The following PRKN variants were observed in gnomAD, a reference collection of about 807,000 sequenced individuals.
PRKN encodes parkin RBR E3 ubiquitin protein ligase.
PRKN carries 56 observed loss-of-function variants against 59.5 expected under a neutral mutation model. That is an observed-to-expected ratio of 0.94 (90% CI 0.76 to 1.18). PRKN has a LOEUF of 1.18. Ranked by LOEUF, PRKN falls within the 50% of genes most tolerant of loss-of-function variation. The probability of loss-of-function intolerance (pLI) is 0.00; values close to 1 mark genes in which losing one functional copy is unlikely to be tolerated. For synonymous variants in PRKN, 250 were observed against 222.1 expected (o/e 1.13, Z -1.12); for missense variants, 657 against 596.4 (o/e 1.10, Z -1.06).
chr6:161,900,230 G>T (rs1163922111), intron 6 of PRKN, among the ~76,000 whole-genome samples: 1 of 151,344 alleles, frequency 6.6e-6, no homozygotes, highest in African/African-American at 2.4e-5. Context: ...TTCTGGAACT[G>T]ATAGCATGTA....
At chr6:162,349,822 C>T (rs945831296) in intron 2 of PRKN, among the ~76,000 whole-genome samples, 2 of 152,128 alleles carry the variant, frequency 1.3e-5, no homozygotes, top group Non-Finnish European at 2.9e-5. Context: ...CAGTTCTATT[C>T]AACATTGTAC....
At chr6:161,701,378 C>T (rs1198339574) in intron 7 of PRKN, among the ~76,000 whole-genome samples, 5 of 152,038 alleles carry the variant, frequency 3.3e-5, no homozygotes, top group Non-Finnish European at 7.4e-5. Flanking sequence ...CTCTCTCACT[C>T]CCTTTGAATT....
rs1384080984 is a variant in PRKN at position 162,716,786 on chromosome 6, G to GCACACACACACGCGCA, written c.7+10875_7+10876insTGCGCGTGTGTGTGTG. On this transcript the variant is annotated intron_variant, in intron 1 of 11. Transcript: ENST00000366898. The stretch of plus-strand genomic sequence containing the variant: ...CGCGCGCGCACGCACACACACACGC[G>GCACACACACACGCGCA]CACACACACACACACACACACAGAC... Among the ~76,000 whole-genome samples, 1,032 of 148,812 alleles carry GCACACACACACGCGCA rather than the reference G, an allele frequency of 6.9e-3. 11 individuals are homozygous for GCACACACACACGCGCA. Among genetic ancestry groups the GCACACACACACGCGCA allele is most frequent in the African/African-American group, 0.024 (979 of 40,266 alleles).
At chr6:162,181,323 T>C (rs1317634761) in intron 4 of PRKN, among the ~76,000 whole-genome samples, 1 of 152,226 alleles carries the variant, frequency 6.6e-6, no homozygotes, top group African/African-American at 2.4e-5. Context: ...ATTTCTTTGC[T>C]ATTTCTGGTA....
At chr6:162,215,164 T>G (rs1200378631) in intron 3 of PRKN, among the ~76,000 whole-genome samples, 1 of 152,170 alleles carries the variant, frequency 6.6e-6, no homozygotes, top group African/African-American at 2.4e-5. Context: ...TAAGCTACAT[T>G]CTATCTCACA....
chr6:161,655,092 GCT>G (rs1784290013), intron 7 of PRKN, among the ~76,000 whole-genome samples: 1 of 149,034 alleles, frequency 6.7e-6, no homozygotes, highest in African/African-American at 2.5e-5. Context: ...GCCCACCCAG[GCT>G]CTCAGCGTCA....
intron 1 of PRKN, among the ~76,000 whole-genome samples, chr6:162,623,103 G>A (rs1782744144): frequency 6.6e-6 from 1 of 152,182 alleles, no homozygotes; most frequent in African/African-American, 2.4e-5. Flanking sequence ...CAGTCATTAG[G>A]CTTCAGCCTC....
intron 1 of PRKN, among the ~76,000 whole-genome samples, chr6:162,725,515 TTTCA>T (rs1410011305): frequency 3.3e-5 from 5 of 152,172 alleles, no homozygotes. Context: ...ATCCCAGCAC[TTTCA>T]GAGGCGAATG....
At chr6:161,474,424 A>G (rs1790962653) in intron 9 of PRKN, among the ~76,000 whole-genome samples, 1 of 152,152 alleles carries the variant, frequency 6.6e-6, no homozygotes, top group Non-Finnish European at 1.5e-5. Context: ...TATATATTTA[A>G]TATCACTAAT....
intron 1 of PRKN, among the ~76,000 whole-genome samples, chr6:162,458,659 T>TC (rs1208713474): frequency 2.1e-5 from 3 of 141,756 alleles, no homozygotes; most frequent in East Asian, 2.1e-4. Context: ...TTTTTTTTTT[T>TC]CCCAGTGGCA....
chr6:161,853,807 G>A lies in PRKN; in HGVS notation c.735-67899C>T, dbSNP rs539538351. ...GGCTGTGGTCAACCCACAAAAGACA[G>A]GCTTTTATCCCCAGCTCTAAGAATT... On this transcript the variant is annotated intron_variant, in intron 6 of 11. Transcript: ENST00000366898. Among the ~76,000 whole-genome samples the A allele has an allele frequency of 8.5e-5, 13 of 152,256 alleles. No homozygotes were observed. In the South Asian group the frequency reaches 2.5e-3, roughly 29 times the overall value.
At chr6:162,263,055 G>C (rs1483637081) in intron 2 of PRKN, among the ~76,000 whole-genome samples, 1 of 152,004 alleles carries the variant, frequency 6.6e-6, no homozygotes, top group Non-Finnish European at 1.5e-5. Flanking sequence ...TACCAAACTG[G>C]ATCTATAAGC....
intron 6 of PRKN, among the ~76,000 whole-genome samples, chr6:161,938,434 T>C (rs907096589): frequency 1.3e-5 from 2 of 152,198 alleles, no homozygotes; most frequent in African/African-American, 4.8e-5. Flanking sequence ...AAAACATTTG[T>C]GGTTTTAGTA....
chr6:161,387,007 T>A, intron 9 of PRKN, 130 bp from the exon 10 acceptor site: 2 of 773,828 alleles, frequency 2.6e-6, no homozygotes, highest in Non-Finnish European at 4.5e-6. Flanking sequence ...AAAATACTTT[T>A]TTTGCAAAGA....
At chr6:162,171,836 T>G (rs1026028709) in intron 4 of PRKN, among the ~76,000 whole-genome samples, 1 of 152,180 alleles carries the variant, frequency 6.6e-6, no homozygotes, top group Non-Finnish European at 1.5e-5. Flanking sequence ...TCCTCATATA[T>G]GAGCCCTAGG....
chr6:161,620,898 A>G (rs186285345), intron 7 of PRKN, among the ~76,000 whole-genome samples: 17 of 152,290 alleles, frequency 1.1e-4, no homozygotes, highest in African/African-American at 3.8e-4. Context: ...CATTTCAACA[A>G]AGATTCTCAA....
chr6:162,034,756 T>C (rs1333088327), intron 5 of PRKN, among the ~76,000 whole-genome samples: 1 of 152,196 alleles, frequency 6.6e-6, no homozygotes, highest in Non-Finnish European at 1.5e-5. Flanking sequence ...TTCTTCTCAG[T>C]TAACTTTATC....
rs1305309939 is a variant in PRKN, at chr6:161,446,400, C to T, written c.1084-59523G>A. Among the ~76,000 whole-genome samples, 1 of 151,940 alleles carries T rather than the reference C, an allele frequency of 6.6e-6. No homozygotes were observed. The highest frequency in any genetic ancestry group is 2.4e-5 in the African/African-American group (1 of 41,338). ...CAGCAGACACTGAGACCCAAAGGGG[C>T]CTGGCTTGGGACCTATGCAGCTGTG... On this transcript the variant is annotated intron_variant, in intron 9 of 11. Transcript: ENST00000366898. The surrounding 1 kb of genome is among the most constrained non-coding windows in gnomAD (Gnocchi z 6.2).
chr6:162,331,973 A>G (rs1311261226), intron 2 of PRKN, among the ~76,000 whole-genome samples: 1 of 152,172 alleles, frequency 6.6e-6, no homozygotes, highest in Non-Finnish European at 1.5e-5. Context: ...TTCATTCAAT[A>G]AGTATTGATC....
Sources: allele counts gnomAD v4.1 joint callset (sites outside exome capture counted in the v4.1 genomes callset), GRCh38; gene constraint gnomAD v4.1.1; non-coding constraint Gnocchi (gnomAD v3.1); transcripts MANE v1.5; gene names NCBI Gene and HGNC (gene_info 2026-07-23, HGNC 2026-07-21).